Variants in LPIN2 observed in about 807,000 individuals in gnomAD.
LPIN2 encodes the protein lipin 2, also known as phosphatidate phosphatase LPIN2.
In LPIN2, 55 loss-of-function variants were observed where a neutral mutation model predicts 111.4. The ratio of observed to expected loss-of-function variants is 0.49; its 90% CI spans 0.40 to 0.62. LPIN2 has a LOEUF of 0.62. LPIN2 is among the 20% of genes least tolerant of loss of function. The pLI, the probability that LPIN2 is intolerant of heterozygous loss-of-function variation, is 0.00. For synonymous variants in LPIN2, 425 were observed against 414.0 expected (o/e 1.03, Z -0.32); for missense variants, 992 against 1,112.1 (o/e 0.89, Z 1.54).
rs1393555133 is a variant in LPIN2 at position 2,921,418 on chromosome 18, G to C, written c.2442+115C>G. Reference sequence around the variant, plus strand: ...AAGTGAAAACCGAACAAGCAGAACAGATGCCTCATTTTGCTTACAAAACTG... The same window carrying C: ...AAGTGAAAACCGAACAAGCAGAACACATGCCTCATTTTGCTTACAAAACTG... On this transcript the variant is annotated intron_variant, in intron 18 of 19. Coordinates refer to ENST00000677752, the MANE Select transcript of LPIN2 (RefSeq NM_001375808.2). 5.0e-6 allele frequency: 4 copies of C among 795,558 alleles called. No individual in the cohort carries two copies. In the African/African-American group the frequency reaches 6.8e-5, roughly 14 times the overall value. The allele number at this position is 795,558 out of a possible 1,614,324, so 49.3% of individuals were successfully genotyped here.
intron 1 of LPIN2, among the ~76,000 whole-genome samples, chr18:2,987,578 CA>C (rs1248285837): frequency 3.9e-5 from 6 of 152,122 alleles, no homozygotes; most frequent in African/African-American, 1.4e-4. Flanking sequence ...TGGTTCCTCA[CA>C]ACAGTTCTAA....
At chr18:2,955,059 T>G (rs1052857801) in intron 2 of LPIN2, among the ~76,000 whole-genome samples, 1 of 151,980 alleles carries the variant, frequency 6.6e-6, no homozygotes, top group Admixed American at 6.6e-5. Flanking sequence ...AAGTAACAGG[T>G]GACAATCAGT....
chr18:2,975,743 C>T (rs139903628), intron 1 of LPIN2, among the ~76,000 whole-genome samples: 2 of 152,070 alleles, frequency 1.3e-5, no homozygotes, highest in Admixed American at 6.5e-5. Context: ...ATTTTGGTGG[C>T]GACTATTGAT....
At chr18:3,000,206 GA>G (rs2078414576) in intron 1 of LPIN2, among the ~76,000 whole-genome samples, 1 of 22,524 alleles carries the variant, frequency 4.4e-5, no homozygotes, top group Non-Finnish European at 4.3e-4. Context: ...TGGGCAAAAG[GA>G]GGAAAAAGAT....
intron 2 of LPIN2, among the ~76,000 whole-genome samples, chr18:2,959,436 G>A (rs1472761898): frequency 6.6e-6 from 1 of 151,924 alleles, no homozygotes; most frequent in African/African-American, 2.4e-5. Context: ...ACTTACACCA[G>A]TGGTCCTCTA....
intron 3 of LPIN2, among the ~76,000 whole-genome samples, chr18:2,954,159 C>G (rs986676307): frequency 6.6e-6 from 1 of 152,208 alleles, no homozygotes; most frequent in Non-Finnish European, 1.5e-5. Context: ...GAGAAATGCC[C>G]TACTCAGGCA....
At chr18:2,931,630 C>T (rs909990359) in intron 8 of LPIN2, among the ~76,000 whole-genome samples, 187 bp from the exon 9 acceptor site, 2 of 152,130 alleles carry the variant, frequency 1.3e-5, no homozygotes, top group Non-Finnish European at 2.9e-5. Flanking sequence ...TGAAAGATAA[C>T]CTAATATAGT....
chr18:2,922,041 A>T lies in LPIN2; in HGVS notation c.2327+6T>A, dbSNP rs1334564990. ...GTGGGCAGAGGGCTGCCTGCCGGAG[A>T]GGTACCTGTGGAAGGCGGAGAACAA... On this transcript the variant is annotated splice_donor_region_variant and intron_variant, in intron 17 of 19. Coordinates refer to ENST00000677752, the MANE Select transcript of LPIN2 (RefSeq NM_001375808.2). 3 of 1,610,990 alleles carry T rather than the reference A, an allele frequency of 1.9e-6. No individual in the cohort carries two copies. In the Admixed American group the frequency reaches 5.0e-5, roughly 27 times the overall value.
chr18:2,925,458 C>G lies in LPIN2; in HGVS notation c.1794-90G>C. 1 of 1,546,042 alleles carries G rather than the reference C, an allele frequency of 6.5e-7. No individual in the cohort carries two copies. Among genetic ancestry groups the G allele is most frequent in the South Asian group, 1.1e-5 (1 of 89,006 alleles). On this transcript the variant is annotated intron_variant, in intron 13 of 19. Coordinates refer to ENST00000677752, the MANE Select transcript of LPIN2 (RefSeq NM_001375808.2). This position sits in a 1 kb window ranked among gnomAD's most constrained non-coding sequence, Gnocchi z 4.1. ...TTAGGATCAAGAAAATAAAGATATC[C>G]TAAATCTTTTCTAGGAATGGGTAGA...
chr18:2,940,526 T>C, intron 5 of LPIN2, 79 bp downstream of exon 5: 1 of 822,704 alleles, frequency 1.2e-6, no homozygotes. Flanking sequence ...GGAAATATCA[T>C]TACTACAGAT....
intron 1 of LPIN2, among the ~76,000 whole-genome samples, chr18:2,990,481 T>G (rs752946800): frequency 3.3e-5 from 5 of 152,178 alleles, no homozygotes; most frequent in Non-Finnish European, 5.9e-5. Flanking sequence ...AGGATCTAGA[T>G]AAACCCTTCT....
chr18:2,943,264 G>A (rs1038674000), intron 4 of LPIN2, among the ~76,000 whole-genome samples: 8 of 151,650 alleles, frequency 5.3e-5, no homozygotes, highest in African/African-American at 1.2e-4. Flanking sequence ...TTGACAAACC[G>A]ATAGTAAAAC....
At chr18:2,967,884 AAC>A (rs1351622579) in intron 1 of LPIN2, among the ~76,000 whole-genome samples, 2 of 152,202 alleles carry the variant, frequency 1.3e-5, no homozygotes, top group Non-Finnish European at 2.9e-5. Flanking sequence ...CACTTTATAA[AAC>A]AAGAAATAGA....
chr18:2,923,811 T>C lies in LPIN2; in HGVS notation c.2138A>G (p.His713Arg). The stretch of plus-strand genomic sequence containing the variant: ...ATGGTAGAGCTTTGCTATACCCTGG[T>C]GGGTCCAGTCTTTGCCCAGCTGTGG... ...ILPQLGKDWT[H>R]QGIAKLYHSI... The change falls in exon 16 of 20, where the codon CAC becomes CGC. Residue 713 changes from histidine to arginine, a missense_variant. Around this residue, in one of 4 missense-constraint regions of LPIN2, gnomAD observed 31 missense variants for 60.3 expected, o/e 0.51. Coordinates refer to ENST00000677752, the MANE Select transcript of LPIN2 (RefSeq NM_001375808.2). The C allele has an allele frequency of 6.2e-7, 1 of 1,614,196 alleles. No homozygotes were observed. The highest frequency in any genetic ancestry group is 8.5e-7 in the Non-Finnish European group (1 of 1,180,022).
chr18:2,991,996 A>G, intron 1 of LPIN2, among the ~76,000 whole-genome samples: 1 of 121,012 alleles, frequency 8.3e-6, no homozygotes, highest in African/African-American at 3.3e-5. Context: ...CGACAGAGTG[A>G]GACTCCATCT....
At chr18:2,997,206 T>C (rs1042084515) in intron 1 of LPIN2, among the ~76,000 whole-genome samples, 9 of 152,172 alleles carry the variant, frequency 5.9e-5, no homozygotes, top group Admixed American at 4.6e-4. Flanking sequence ...GGTCTCAAAC[T>C]CCTGACCTCA....
chr18:2,924,567 T>G, intron 14 of LPIN2, 21 bp from the exon 15 acceptor site: 1 of 1,613,192 alleles, frequency 6.2e-7, no homozygotes, highest in Non-Finnish European at 8.5e-7. Flanking sequence ...AGCATAAGAA[T>G]AAAGAAAATC....
intron 1 of LPIN2, among the ~76,000 whole-genome samples, chr18:2,984,068 C>T (rs967889750): frequency 6.6e-6 from 1 of 152,198 alleles, no homozygotes; most frequent in Non-Finnish European, 1.5e-5. Context: ...CTTTTCTCTG[C>T]ATCTAAACTT....
intron 1 of LPIN2, among the ~76,000 whole-genome samples, chr18:2,988,796 TA>T (rs1226991271): frequency 6.6e-6 from 1 of 152,236 alleles, no homozygotes; most frequent in African/African-American, 2.4e-5. Context: ...CTTCTAAGGA[TA>T]AAGCACCATT....
Sources: allele counts gnomAD v4.1 joint callset (sites outside exome capture counted in the v4.1 genomes callset), GRCh38; gene constraint gnomAD v4.1.1; regional missense constraint gnomAD v4.1.1; non-coding constraint Gnocchi (gnomAD v3.1); transcripts MANE v1.5; gene names NCBI Gene and HGNC (gene_info 2026-07-23, HGNC 2026-07-21).